Variants in POGLUT3 observed in about 807,000 individuals in gnomAD.
POGLUT3 encodes KDEL (Lys-Asp-Glu-Leu) containing 2.
Under a neutral mutation model 54.3 loss-of-function variants are expected in POGLUT3, and 48 were observed. The ratio of observed to expected loss-of-function variants is 0.88; its 90% CI spans 0.70 to 1.12. The LOEUF is 1.12. Among genes scored for constraint, POGLUT3 ranks in the 50% most tolerant of loss-of-function variants. The pLI, the probability that POGLUT3 is intolerant of heterozygous loss-of-function variation, is 0.00. For synonymous variants in POGLUT3, 218 were observed against 237.4 expected (o/e 0.92, Z 0.75); for missense variants, 629 against 618.7 (o/e 1.02, Z -0.18).
rs1316366322 is a variant in POGLUT3, at chr11:108,479,490, C to T, written c.1104G>A (p.Lys368=). 1 of 1,585,828 alleles carries T rather than the reference C, an allele frequency of 6.3e-7. No homozygotes were observed. The highest frequency in any genetic ancestry group is 1.4e-5 in the African/African-American group (1 of 73,306). ...LMGFFDFFKY[K]YQVNVDGTVA... ...CGGTCCCATCCACATTTACTTGATA[C>T]TTGTACTGGAAGATGAAAAACAAAC... The change falls in exon 6 of 8, where the codon AAG becomes AAA. Residue 368 remains lysine, a synonymous_variant. Coordinates refer to ENST00000323468, the MANE Select transcript of POGLUT3 (RefSeq NM_153705.5).
At chr11:108,490,357 T>C (rs2093610958) in intron 2 of POGLUT3, among the ~76,000 whole-genome samples, 1 of 152,222 alleles carries the variant, frequency 6.6e-6, no homozygotes. Context: ...GCCGCCACCA[T>C]GCCTGGCTAA....
At chr11:108,490,063 G>C (rs2093610402) in intron 2 of POGLUT3, among the ~76,000 whole-genome samples, 1 of 151,902 alleles carries the variant, frequency 6.6e-6, no homozygotes, top group Admixed American at 6.6e-5. Context: ...ATTTTTTGTA[G>C]AGATGGGTTT....
At chr11:108,482,371 T>C (rs899604696) in intron 3 of POGLUT3, 149 bp from the exon 4 acceptor site, 6 of 604,332 alleles carry the variant, frequency 9.9e-6, no homozygotes, top group African/African-American at 9.3e-5. Flanking sequence ...ATTGACAGGA[T>C]GGCTGTGAAT....
rs2093626189 is a variant in POGLUT3, at chr11:108,498,283, G to A, written c.84C>T (p.Ser28=). The change falls in exon 1 of 8, where the codon AGC becomes AGT. Residue 28 remains serine, a synonymous_variant. Coordinates refer to ENST00000323468, the MANE Select transcript of POGLUT3 (RefSeq NM_153705.5). The part of the protein sequence containing the change: ...VAAGAPEVLV[S]APRSLVWGPG... ...GCCCCCACACCAGGCTCCGCGGCGC[G>A]CTGACCAGCACCTCCGGGGCCCCCG... is the stretch of plus-strand genomic sequence containing the variant. The A allele has an allele frequency of 2.7e-6, 4 of 1,487,938 alleles. No homozygotes were observed. The highest frequency in any genetic ancestry group is 3.0e-5 in the East Asian group (1 of 33,454). The allele number at this position is 1,487,938 out of a possible 1,614,324, so 92.2% of individuals were successfully genotyped here.
At position 108,475,468 on chromosome 11, in the gene POGLUT3, TG is replaced by T. The variant is rs141289889; in HGVS notation, c.1399-517del. 6.1e-4 allele frequency among the ~76,000 whole-genome samples: 86 copies of T among 141,540 alleles called. 6 individuals carry two copies. The highest frequency in any genetic ancestry group is 3.6e-3 in the Middle Eastern group (1 of 274). 92.9% of individuals were successfully genotyped at this position (141,540 alleles called of 152,430 possible). ...CTATAAATGGAGTTTTTTTTGTTTT[TG>T]TTTTTTTTTTTTTTTGAGACACGGT... On this transcript the variant is annotated intron_variant, in intron 7 of 7. Coordinates refer to ENST00000323468, the MANE Select transcript of POGLUT3 (RefSeq NM_153705.5).
chr11:108,496,221 T>C (rs2093622011), intron 1 of POGLUT3, among the ~76,000 whole-genome samples: 1 of 151,882 alleles, frequency 6.6e-6, no homozygotes, highest in South Asian at 2.1e-4. Context: ...TTGGGGAGAC[T>C]GAGGCAAGAG....
Position 108,479,415 on chromosome 11 carries a change from TA to T in POGLUT3, c.1178del (p.Leu393Ter), listed in dbSNP as rs1290637247. Reference sequence around the variant, plus strand: ...GTTCATAATATGGCGAGTCCTGCTTTAAAACCAGACTGTCGCCCAGCATGAG... The same window carrying T: ...GTTCATAATATGGCGAGTCCTGCTTTAAACCAGACTGTCGCCCAGCATGAG... ...PYLMLGDSLV[L>X]KQDSPYYEHF... On this transcript the variant is annotated frameshift_variant, in exon 6 of 8. Transcript: ENST00000323468. LOFTEE classifies it high-confidence loss of function. The T allele has an allele frequency of 6.2e-7, 1 of 1,612,958 alleles. No individual in the cohort carries two copies. Among genetic ancestry groups the T allele is most frequent in the South Asian group, 1.1e-5 (1 of 90,858 alleles).
rs2093594124 is a variant in POGLUT3, at chr11:108,482,157, G to A, written c.750C>T (p.Val250=). The A allele has an allele frequency of 1.2e-6, 2 of 1,613,946 alleles. No homozygotes were observed. Among genetic ancestry groups the A allele is most frequent in the Non-Finnish European group, 1.7e-6 (2 of 1,179,974 alleles). The change falls in exon 4 of 8, where the codon GTC becomes GTT. Residue 250 remains valine (V), a synonymous_variant. Transcript: ENST00000323468. ...LGDWPLEHRK[V]NGTPSPIPII... is the part of the protein sequence containing the mutation. ...TAGGTATGGGGCTAGGGGTTCCATT[G>A]ACTTTTCGATGCTCCAAGGGCCAAT...
chr11:108,478,655 C>G (rs867013343), intron 6 of POGLUT3, among the ~76,000 whole-genome samples: 1 of 152,110 alleles, frequency 6.6e-6, no homozygotes, highest in Non-Finnish European at 1.5e-5. Context: ...CAATGCTGCC[C>G]GCAGGTAAGC....
chr11:108,477,782 A>C, intron 6 of POGLUT3, 71 bp from the exon 7 acceptor site: 1 of 945,344 alleles, frequency 1.1e-6, no homozygotes, highest in Non-Finnish European at 1.7e-6. Flanking sequence ...GTTAAGTGTG[A>C]GGTGGGACAG....
At position 108,491,116 on chromosome 11, in the gene POGLUT3, AC is replaced by A; in HGVS notation, c.253del (p.Val85SerfsTer17). On this transcript the variant is annotated frameshift_variant, in exon 2 of 8. Coordinates refer to ENST00000323468, the MANE Select transcript of POGLUT3 (RefSeq NM_153705.5). LOFTEE classifies it high-confidence loss of function. Reference protein sequence around the residue: ...VVKSLSPKELVRIHVPKPLDR... With the variant: ...VVKSLSPKELXRIHVPKPLDR... ...CAAAGGTTTAGGGACATGTATCCGGACCAACTCTTTAGGTGAAAGAGATTTG... is the reference window on the plus strand; with the variant it reads ...CAAAGGTTTAGGGACATGTATCCGGACAACTCTTTAGGTGAAAGAGATTTG... 1.2e-6 allele frequency: 2 copies of A among 1,614,138 alleles called. No homozygotes were observed. Among genetic ancestry groups the A allele is most frequent in the Non-Finnish European group, 1.7e-6 (2 of 1,179,990 alleles).
intron 5 of POGLUT3, 36 bp downstream of exon 5, chr11:108,481,144 C>T (rs745443241): frequency 1.9e-5 from 28 of 1,484,516 alleles, no homozygotes; most frequent in Middle Eastern, 2.4e-4. Context: ...ACAATTTTAT[C>T]GCTTCATATC....
At chr11:108,477,885 A>G in intron 6 of POGLUT3, 174 bp from the exon 7 acceptor site, 1 of 603,922 alleles carries the variant, frequency 1.7e-6, no homozygotes, top group Non-Finnish European at 2.9e-6. Context: ...ATGGTGGCTC[A>G]CACCTGTAAT....
chr11:108,489,961 C>A (rs1002386789), intron 2 of POGLUT3, among the ~76,000 whole-genome samples: 58 of 152,242 alleles, frequency 3.8e-4, no homozygotes, highest in Middle Eastern at 3.4e-3. Flanking sequence ...TCACAGCTTA[C>A]CGCAGCCTCG....
At position 108,498,222 on chromosome 11, in the gene POGLUT3, A is replaced by G; in HGVS notation, c.145T>C (p.Tyr49His). ...GAGTTGACCGCCTGCAGGTAGAAATAGCGGACCGGCAGGACGACGGCCGCC... is the reference window on the plus strand; with the variant it reads ...GAGTTGACCGCCTGCAGGTAGAAATGGCGGACCGGCAGGACGACGGCCGCC... ...LQAAVVLPVR[Y>H]FYLQAVNSEG... The change falls in exon 1 of 8, where the codon TAT (tyrosine) becomes CAT (histidine). Residue 49 changes from tyrosine to histidine, a missense_variant. Coordinates refer to ENST00000323468, the MANE Select transcript of POGLUT3 (RefSeq NM_153705.5). 3 of 1,518,126 alleles carry G rather than the reference A, an allele frequency of 2.0e-6. No individual in the cohort carries two copies. Among genetic ancestry groups the G allele is most frequent in the Non-Finnish European group, 2.6e-6 (3 of 1,134,690 alleles). The allele number at this position is 1,518,126 out of a possible 1,614,324, so 94.0% of individuals were successfully genotyped here.
Position 108,482,117 on chromosome 11 carries a change from C to G in POGLUT3, c.790G>C (p.Gly264Arg), listed in dbSNP as rs1347562541. 6.2e-7 allele frequency: 1 copy of G among 1,613,926 alleles called. No individual in the cohort carries two copies. The highest frequency in any genetic ancestry group is 8.5e-7 in the Non-Finnish European group (1 of 1,179,940). ...ACAACATCTCTTGAATCCAGAGAGC[C>G]ACACCATGAAATGATAGGTATGGGG... ...PSPIPIISWC[G>R]SLDSRDVVLP... Residue 264 changes from glycine to arginine, a missense_variant, in exon 4 of 8, where the codon GGC (glycine) becomes CGC (arginine). Physicochemically the swap from Gly to Arg is moderately radical, Grantham distance 125 (BLOSUM62 -2). Coordinates refer to ENST00000323468, the MANE Select transcript of POGLUT3 (RefSeq NM_153705.5).
chr11:108,475,485 G>C (rs1439948408), intron 7 of POGLUT3, among the ~76,000 whole-genome samples: 16 of 48,540 alleles, frequency 3.3e-4, no homozygotes, highest in Non-Finnish European at 5.2e-4. Flanking sequence ...TTTTTTTTTT[G>C]AGACACGGTC....
intron 7 of POGLUT3, among the ~76,000 whole-genome samples, chr11:108,477,176 C>T (rs1272120160): frequency 6.6e-6 from 1 of 152,010 alleles, no homozygotes; most frequent in Admixed American, 6.6e-5. Context: ...CAAGGCAAGG[C>T]AGATCACCTG....
At chr11:108,479,563 A>G in intron 5 of POGLUT3, 68 bp from the exon 6 acceptor site, 2 of 1,093,708 alleles carry the variant, frequency 1.8e-6, no homozygotes, top group East Asian at 2.6e-5. Flanking sequence ...CTCCTCATCA[A>G]CACTGTAATA....
Sources: allele counts gnomAD v4.1 joint callset (sites outside exome capture counted in the v4.1 genomes callset), GRCh38; gene constraint gnomAD v4.1.1; transcripts MANE v1.5; gene names NCBI Gene and HGNC (gene_info 2026-07-23, HGNC 2026-07-21).